Variants in NKIRAS1 observed in about 807,000 individuals in gnomAD.
The protein encoded by NKIRAS1 is NF-kappa-B inhibitor-interacting Ras-like protein 1.
In NKIRAS1, 16 loss-of-function variants were observed where a neutral mutation model predicts 19.8. The ratio of observed to expected loss-of-function variants is 0.81; its 90% CI spans 0.55 to 1.23. The LOEUF (loss-of-function observed/expected upper bound fraction) is 1.23. NKIRAS1 is among the 50% of genes most tolerant of loss of function. The pLI is 0.00. For missense variants in NKIRAS1, 184 were observed against 220.0 expected, an observed-to-expected ratio of 0.84 and a Z score of 1.04; for synonymous variants, 88 against 79.0, an observed-to-expected ratio of 1.11 and a Z score of -0.61.
upstream of NKIRAS1, chr3:23,920,622 T>C: frequency 1.0e-6 from 1 of 984,912 alleles, no homozygotes; most frequent in Non-Finnish European, 1.2e-6. Flanking sequence ...AATTCTGACT[T>C]TGCTGACTTA....
chr3:23,912,157 CA>C (rs781374819), intron 1 of NKIRAS1, among the ~76,000 whole-genome samples: 10 of 152,046 alleles, frequency 6.6e-5, no homozygotes, highest in Non-Finnish European at 1.0e-4. Context: ...ACTAAAACAC[CA>C]AAAGCAATGG....
At chr3:23,896,556 T>C (rs1702016327) in intron 4 of NKIRAS1, among the ~76,000 whole-genome samples, 2 of 151,788 alleles carry the variant, frequency 1.3e-5, no homozygotes, top group African/African-American at 4.8e-5. Context: ...GAGGTTGCTG[T>C]GGGCTGAGAT....
At chr3:23,895,300 C>T (rs1701873319) in intron 4 of NKIRAS1, among the ~76,000 whole-genome samples, 1 of 152,158 alleles carries the variant, frequency 6.6e-6, no homozygotes, top group African/African-American at 2.4e-5. Context: ...GCGTGAACTA[C>T]CACATCCAGC....
intron 1 of NKIRAS1, among the ~76,000 whole-genome samples, chr3:23,941,875 A>G (rs1180181371): frequency 6.6e-6 from 1 of 152,238 alleles, no homozygotes; most frequent in Non-Finnish European, 1.5e-5. Flanking sequence ...GGTCTTAAAG[A>G]TATACTTTGC....
At chr3:23,936,533 C>G (rs9875213) in intron 1 of NKIRAS1, among the ~76,000 whole-genome samples, 1 of 152,052 alleles carries the variant, frequency 6.6e-6, no homozygotes, top group Non-Finnish European at 1.5e-5. Flanking sequence ...AGGTAGAGCC[C>G]GAAAAACTGC....
At chr3:23,919,769 A>C, upstream of NKIRAS1, 1 of 1,159,492 alleles carries the variant, frequency 8.6e-7, no homozygotes, top group Non-Finnish European at 1.1e-6. Flanking sequence ...AACAGGCTTA[A>C]TAAATTCTTT....
chr3:23,932,515 C>T (rs1240504643), intron 1 of NKIRAS1, among the ~76,000 whole-genome samples: 1 of 151,806 alleles, frequency 6.6e-6, no homozygotes, highest in African/African-American at 2.4e-5. Flanking sequence ...ATGGAGAAAC[C>T]CCATCTCTAC....
intron 1 of NKIRAS1, among the ~76,000 whole-genome samples, chr3:23,915,290 G>A (rs1235784774): frequency 1.3e-5 from 2 of 152,090 alleles, no homozygotes; most frequent in African/African-American, 2.4e-5. Context: ...ATTCAGGCAG[G>A]CTTCATAAGG....
Position 23,892,986 on chromosome 3 carries a change from G to A in NKIRAS1, c.*109C>T. 1 of 1,202,928 alleles carries A rather than the reference G, an allele frequency of 8.3e-7. No individual in the cohort carries two copies. The highest frequency in any genetic ancestry group is 1.1e-6 in the Non-Finnish European group (1 of 894,312). 74.5% of individuals were successfully genotyped at this position (1,202,928 alleles called of 1,614,324 possible). A position where few individuals can be genotyped will look rare whatever the true frequency, so the allele number is the denominator to read the frequency against. Reference sequence around the variant, plus strand: ...TGACTTCCTTAGGAATTTTCCTAAGGACCAAAGGTAGATACAAATGGCCTA... The same window carrying A: ...TGACTTCCTTAGGAATTTTCCTAAGAACCAAAGGTAGATACAAATGGCCTA... On this transcript the variant is annotated 3_prime_UTR_variant, in exon 5 of 5. Coordinates refer to ENST00000425478, the MANE Select transcript of NKIRAS1 (RefSeq NM_020345.4).
chr3:23,912,638 T>C (rs1703875335), intron 1 of NKIRAS1, among the ~76,000 whole-genome samples: 1 of 152,154 alleles, frequency 6.6e-6, no homozygotes. Flanking sequence ...TGTGGCGATT[T>C]CTCAAAGATC....
intron 1 of NKIRAS1, chr3:23,945,511 AGGC>A (rs369955272): frequency 8.7e-5 from 81 of 930,572 alleles, no homozygotes; most frequent in South Asian, 3.1e-4. Flanking sequence ...CGCGGCGCTG[AGGC>A]GGCGGCGGCG....
intron 1 of NKIRAS1, among the ~76,000 whole-genome samples, chr3:23,945,020 A>C (rs1559518830): frequency 6.6e-6 from 1 of 151,900 alleles, no homozygotes; most frequent in South Asian, 2.1e-4. Context: ...AGGAGAGGAA[A>C]GAGGAGGAGG....
intron 1 of NKIRAS1, among the ~76,000 whole-genome samples, chr3:23,939,597 T>C (rs575841386): frequency 6.6e-6 from 1 of 152,166 alleles, no homozygotes; most frequent in South Asian, 2.1e-4. Flanking sequence ...AAAAATTAGC[T>C]GGGCATGGTG....
At chr3:23,898,443 T>C (rs77177763) in intron 4 of NKIRAS1, among the ~76,000 whole-genome samples, 1 of 131,126 alleles carries the variant, frequency 7.6e-6, no homozygotes, top group African/African-American at 3.0e-5. Context: ...TATTGTATGA[T>C]TTTTTTTTTT....
chr3:23,900,823 G>A lies in NKIRAS1; in HGVS notation c.321C>T (p.Phe107=). Residue 107 remains phenylalanine (F), a synonymous_variant, in exon 4 of 5, where the codon TTC becomes TTT. Coordinates refer to ENST00000425478, the MANE Select transcript of NKIRAS1 (RefSeq NM_020345.4). ...ATCCACTTGCCTCTTTTTTGTCTTT[G>A]AACTTATCGATTTCTTTCTTCAGAA... ...VELLKKEIDK[F]KDKKEVAIVV... 1 of 1,612,002 alleles carries A rather than the reference G, an allele frequency of 6.2e-7. No individual in the cohort carries two copies. The highest frequency in any genetic ancestry group is 8.5e-7 in the Non-Finnish European group (1 of 1,179,172).
At position 23,890,954 on chromosome 3, in the gene NKIRAS1, C is replaced by T. The variant is rs1315982018; in HGVS notation, c.*2141G>A. 6.0e-6 allele frequency: 1 copy of T among 166,010 alleles called. No individual in the cohort carries two copies. Among genetic ancestry groups the T allele is most frequent in the Non-Finnish European group, 1.3e-5 (1 of 77,206 alleles). 10.3% of individuals were successfully genotyped at this position (166,010 alleles called of 1,614,324 possible). On this transcript the variant is annotated 3_prime_UTR_variant, in exon 5 of 5. Coordinates refer to ENST00000425478, the MANE Select transcript of NKIRAS1 (RefSeq NM_020345.4). ...ACATATGGCCATTTATGTAAAGTCC[C>T]TCTAAGACTACATACTTTTTGTTTA...
intron 3 of NKIRAS1, 75 bp from the exon 4 acceptor site, chr3:23,901,124 A>G: frequency 6.6e-7 from 1 of 1,519,752 alleles, no homozygotes. Flanking sequence ...GTCCTTTAGA[A>G]ATTGGCTTTC....
chr3:23,930,389 C>G (rs1705287962), intron 1 of NKIRAS1, among the ~76,000 whole-genome samples: 1 of 152,074 alleles, frequency 6.6e-6, no homozygotes, highest in African/African-American at 2.4e-5. Flanking sequence ...GTGTCTGAAG[C>G]TAGTTACATC....
chr3:23,930,793 C>T (rs1705301468), intron 1 of NKIRAS1, among the ~76,000 whole-genome samples: 1 of 152,096 alleles, frequency 6.6e-6, no homozygotes, highest in South Asian at 2.1e-4. Flanking sequence ...GCCTCCACCT[C>T]CTGGGCTTAG....
Sources: allele counts gnomAD v4.1 joint callset (sites outside exome capture counted in the v4.1 genomes callset), GRCh38; gene constraint gnomAD v4.1.1; transcripts MANE v1.5; gene names NCBI Gene and HGNC (gene_info 2026-07-23, HGNC 2026-07-21).